The following SRD5A2 variants were observed in gnomAD, a reference collection of about 807,000 sequenced individuals.
The protein encoded by SRD5A2 is steroid 5 alpha-reductase 2.
In SRD5A2, 30 loss-of-function variants were observed where a neutral mutation model predicts 27.4. That is an observed-to-expected ratio of 1.10 (90% confidence interval 0.82 to 1.49). The LOEUF (loss-of-function observed/expected upper bound fraction) is 1.49, where lower values mean the gene tolerates loss of function less well. Among genes scored for constraint, SRD5A2 ranks in the 40% most tolerant of loss-of-function variants. SRD5A2 has a pLI of 0.00. For synonymous variants in SRD5A2, 141 were observed against 133.6 expected, an observed-to-expected ratio of 1.06 and a Z score of -0.38; for missense variants, 348 against 323.4, an observed-to-expected ratio of 1.08 and a Z score of -0.58.
rs114152669 is a variant in SRD5A2 at position 31,540,807 on chromosome 2, C to T, written c.282-7041G>A. 3.7e-3 allele frequency among the ~76,000 whole-genome samples: 557 copies of T among 152,328 alleles called. 4 individuals carry two copies. Among genetic ancestry groups the T allele is most frequent in the African/African-American group, 0.013 (548 of 41,584 alleles). On this transcript the variant is annotated intron_variant, in intron 1 of 4. Transcript: ENST00000622030. ...GCAGGCAGCTGTGCATGTATTCCTG[C>T]AGCAGCTTGTTGCACACAGCTTGAA...
At chr2:31,637,568 A>C in the SRD5A2 span, among the ~76,000 whole-genome samples, 2 of 152,068 alleles carry the variant, frequency 1.3e-5, no homozygotes, top group East Asian at 3.8e-4. Flanking sequence ...ATTAGTATAT[A>C]ATTAGTAGTA....
chr2:31,625,558 T>TCC, the SRD5A2 span, among the ~76,000 whole-genome samples: 1 of 152,120 alleles, frequency 6.6e-6, no homozygotes, highest in Non-Finnish European at 1.5e-5. Context: ...GGAAGGGACA[T>TCC]AGTTTCAGCT....
chr2:31,535,676 C>T (rs1666012412), intron 1 of SRD5A2, among the ~76,000 whole-genome samples: 1 of 152,156 alleles, frequency 6.6e-6, no homozygotes, highest in African/African-American at 2.4e-5. Flanking sequence ...GCCTCCCACC[C>T]CACCCAATCA....
In SRD5A2 at chr2:31,580,753, G is replaced by A; in HGVS notation, c.148C>T (p.Arg50Cys). The change falls in exon 1 of 5, where the codon CGC becomes TGC. Residue 50 changes from arginine to cysteine, a missense_variant. Physicochemically the swap from Arg to Cys is radical, Grantham distance 180. Transcript: ENST00000622030. Reference protein sequence around the residue: ...LKPAATRLPARAAWFLQELPS... With the variant: ...LKPAATRLPACAAWFLQELPS... The stretch of plus-strand genomic sequence containing the variant: ...AGCTCCTGCAGGAACCAGGCGGCGC[G>A]GGCTGGCAGGCGGGTAGCCGCCGGC... 6.2e-7 allele frequency: 1 copy of A among 1,610,434 alleles called. No individual in the cohort carries two copies. Among genetic ancestry groups the A allele is most frequent in the Non-Finnish European group, 8.5e-7 (1 of 1,179,586 alleles).
the SRD5A2 span, among the ~76,000 whole-genome samples, chr2:31,591,510 A>G: frequency 6.6e-6 from 1 of 152,026 alleles, no homozygotes; most frequent in South Asian, 2.1e-4. Flanking sequence ...TAGTTCAACC[A>G]TTGTGGAAGT....
chr2:31,627,429 C>T, the SRD5A2 span, among the ~76,000 whole-genome samples: 265 of 142,570 alleles, frequency 1.9e-3, no homozygotes, highest in Middle Eastern at 0.011. Flanking sequence ...TTCTTTTGTA[C>T]GGGGGTGTGT....
Position 31,580,775 on chromosome 2 carries a change from C to G in SRD5A2, c.126G>C (p.Pro42=), listed in dbSNP as rs1230877460. 6.2e-7 allele frequency: 1 copy of G among 1,611,348 alleles called. No individual in the cohort carries two copies. The highest frequency in any genetic ancestry group is 1.3e-5 in the African/African-American group (1 of 74,938). ...CGCGGGCTGGCAGGCGGGTAGCCGC[C>G]GGCTTCAGGCTCTCCGTGTGCTTCC... ...GYGKHTESLK[P]AATRLPARAA... The change falls in exon 1 of 5, where the codon CCG becomes CCC. Residue 42 remains proline (P), a synonymous_variant. Coordinates refer to ENST00000622030, the MANE Select transcript of SRD5A2 (RefSeq NM_000348.4).
chr2:31,601,606 A>G, the SRD5A2 span, among the ~76,000 whole-genome samples: 1 of 151,972 alleles, frequency 6.6e-6, no homozygotes, highest in African/African-American at 2.4e-5. Flanking sequence ...TGGCAGAGAT[A>G]CAACGAAAAA....
chr2:31,617,771 G>A, the SRD5A2 span, among the ~76,000 whole-genome samples: 1 of 152,176 alleles, frequency 6.6e-6, no homozygotes, highest in African/African-American at 2.4e-5. Context: ...ACCTTGGCCT[G>A]GGCCTTATTG....
At chr2:31,588,219 A>C in the SRD5A2 span, among the ~76,000 whole-genome samples, 1 of 152,208 alleles carries the variant, frequency 6.6e-6, no homozygotes, top group African/African-American at 2.4e-5. Flanking sequence ...CTAATAACAG[A>C]AAACTTCTCA....
At chr2:31,556,208 G>A (rs960659671) in intron 1 of SRD5A2, among the ~76,000 whole-genome samples, 6 of 152,188 alleles carry the variant, frequency 3.9e-5, no homozygotes, top group African/African-American at 1.4e-4. Flanking sequence ...TACCTGTTGT[G>A]TAAATAATGG....
the SRD5A2 span, among the ~76,000 whole-genome samples, chr2:31,630,319 G>GAGAGAGAAA: frequency 1.3e-4 from 20 of 152,320 alleles, no homozygotes; most frequent in Admixed American, 1.2e-3. Context: ...GACAGAGAGA[G>GAGAGAGAAA]AGAGAGAAAA....
At chr2:31,538,490 C>T (rs1431268838) in intron 1 of SRD5A2, among the ~76,000 whole-genome samples, 1 of 152,214 alleles carries the variant, frequency 6.6e-6, no homozygotes, top group Non-Finnish European at 1.5e-5. Flanking sequence ...TTGACCACCA[C>T]ATTTACTCCA....
chr2:31,579,758 T>C (rs552808936), intron 1 of SRD5A2, among the ~76,000 whole-genome samples: 1 of 152,364 alleles, frequency 6.6e-6, no homozygotes, highest in East Asian at 1.9e-4. Flanking sequence ...CGTTCTTCCC[T>C]TTCCCTGTGA....
At chr2:31,556,609 C>G (rs1390120974) in intron 1 of SRD5A2, among the ~76,000 whole-genome samples, 1 of 152,100 alleles carries the variant, frequency 6.6e-6, no homozygotes, top group Non-Finnish European at 1.5e-5. Context: ...TGACCGCAAG[C>G]CAAGGAATGC....
At chr2:31,653,022 G>C in the SRD5A2 span, among the ~76,000 whole-genome samples, 3 of 152,178 alleles carry the variant, frequency 2.0e-5, no homozygotes, top group East Asian at 5.8e-4. Context: ...CTACAGCAAT[G>C]GTTCATCAAC....
At chr2:31,555,337 T>C (rs1463250499) in intron 1 of SRD5A2, among the ~76,000 whole-genome samples, 2 of 152,154 alleles carry the variant, frequency 1.3e-5, no homozygotes, top group Non-Finnish European at 2.9e-5. Context: ...TTCCACAGTC[T>C]TAGCCCATGT....
the SRD5A2 span, among the ~76,000 whole-genome samples, chr2:31,652,351 T>C: frequency 6.6e-6 from 1 of 152,148 alleles, no homozygotes; most frequent in East Asian, 1.9e-4. Context: ...CTTGGCCAAC[T>C]GGTGAATTTT....
chr2:31,647,112 TC>T, the SRD5A2 span, among the ~76,000 whole-genome samples: 1 of 151,882 alleles, frequency 6.6e-6, no homozygotes, highest in African/African-American at 2.4e-5. Context: ...ACCACTGCAC[TC>T]CAGCCTGGGC....
Sources: allele counts gnomAD v4.1 joint callset (sites outside exome capture counted in the v4.1 genomes callset), GRCh38; gene constraint gnomAD v4.1.1; transcripts MANE v1.5; gene names NCBI Gene and HGNC (gene_info 2026-07-23, HGNC 2026-07-21).